DLGAP2: variants seen among roughly 807,000 people sequenced by gnomAD.
DLGAP2 encodes the protein DLG associated protein 2.
A neutral mutation model predicts 100.3 loss-of-function variants in DLGAP2; 26 were observed. The observed-to-expected ratio is 0.26, with a 90% confidence interval of 0.19 to 0.36. The LOEUF is 0.36. DLGAP2 is among the 10% of genes least tolerant of loss of function. DLGAP2 has a pLI of 1.00. For missense variants in DLGAP2, 1,858 were observed against 1,453.2 expected (o/e 1.28, Z -4.53); for synonymous variants, 886 against 630.1 (o/e 1.41, Z -6.08).
At chr8:947,138 T>A (rs1030583406) in intron 2 of DLGAP2, among the ~76,000 whole-genome samples, 1 of 152,182 alleles carries the variant, frequency 6.6e-6, no homozygotes, top group Non-Finnish European at 1.5e-5. Flanking sequence ...GAAGACTGTC[T>A]TTCAATTGAA....
intron 1 of DLGAP2, among the ~76,000 whole-genome samples, chr8:757,796 T>G (rs1198708143): frequency 6.6e-6 from 1 of 152,246 alleles, no homozygotes; most frequent in Non-Finnish European, 1.5e-5. Context: ...TCCCTGGTGC[T>G]CTGCATGAAA....
At chr8:1,455,380 C>T (rs1217775410) in intron 3 of DLGAP2, among the ~76,000 whole-genome samples, 2 of 152,224 alleles carry the variant, frequency 1.3e-5, no homozygotes, top group South Asian at 2.1e-4. Context: ...CCACATGAGT[C>T]CCCCTGCCCC....
intron 3 of DLGAP2, among the ~76,000 whole-genome samples, chr8:1,464,382 C>T (rs1213784256): frequency 6.7e-6 from 1 of 150,138 alleles, no homozygotes; most frequent in Non-Finnish European, 1.5e-5. Context: ...TCCAGGATGG[C>T]ACCCTTCCGG....
chr8:789,760 C>T (rs778185103), intron 1 of DLGAP2, among the ~76,000 whole-genome samples: 4 of 152,200 alleles, frequency 2.6e-5, no homozygotes, highest in African/African-American at 4.8e-5. Flanking sequence ...AACACAGGCC[C>T]TGCTTGGCAA....
chr8:1,659,788 CTT>C (rs1798367914), intron 8 of DLGAP2, among the ~76,000 whole-genome samples: 1 of 152,138 alleles, frequency 6.6e-6, no homozygotes, highest in African/African-American at 2.4e-5. Flanking sequence ...GGTCTTGACT[CTT>C]TATCCAGTTT....
chr8:1,644,919 T>G (rs1798005210), intron 8 of DLGAP2, among the ~76,000 whole-genome samples: 1 of 152,180 alleles, frequency 6.6e-6, no homozygotes, highest in Admixed American at 6.5e-5. Flanking sequence ...TTTGCTCTCT[T>G]AGGGAAAAAA....
chr8:1,309,778 C>T (rs1410616087), intron 3 of DLGAP2, among the ~76,000 whole-genome samples: 3 of 152,132 alleles, frequency 2.0e-5, no homozygotes, highest in Admixed American at 1.3e-4. Flanking sequence ...TCTATGTTAC[C>T]GTGCACTCAA....
chr8:1,552,698 A>G (rs370262868), intron 5 of DLGAP2, among the ~76,000 whole-genome samples: 11 of 152,356 alleles, frequency 7.2e-5, no homozygotes, highest in Middle Eastern at 3.4e-3. Flanking sequence ...AAAGAATAAG[A>G]AGAGAGAAAT....
intron 3 of DLGAP2, among the ~76,000 whole-genome samples, chr8:1,433,515 T>C (rs1797519477): frequency 1.3e-5 from 2 of 152,212 alleles, no homozygotes; most frequent in Admixed American, 1.3e-4. Context: ...GATGGTGCTG[T>C]CTGGTGAGCC....
intron 1 of DLGAP2, among the ~76,000 whole-genome samples, chr8:894,877 GTGAC>G: frequency 6.8e-6 from 1 of 146,396 alleles, no homozygotes; most frequent in Non-Finnish European, 1.5e-5. Flanking sequence ...GAGCGGAGTG[GTGAC>G]TGGCAGGGGT....
Position 1,341,451 on chromosome 8 carries a change from C to T in DLGAP2, c.106+82568C>T, listed in dbSNP as rs865995154. 2.6e-5 allele frequency among the ~76,000 whole-genome samples: 4 copies of T among 152,190 alleles called. 1 individual carries two copies. Among genetic ancestry groups the T allele is most frequent in the South Asian group, 4.1e-4 (2 of 4,832 alleles). ...AACGTTAGCTTCATAAATCACTCCT[C>T]TCTGAAACACATATAGGCGTATTTA... On this transcript the variant is annotated intron_variant, in intron 3 of 14. Coordinates refer to ENST00000637795, the MANE Select transcript of DLGAP2 (RefSeq NM_001346810.2).
At chr8:876,589 T>C (rs1452482273) in intron 1 of DLGAP2, among the ~76,000 whole-genome samples, 1 of 152,250 alleles carries the variant, frequency 6.6e-6, no homozygotes. Context: ...CTTTCAGTAT[T>C]TGTACTGTGA....
At chr8:1,100,952 C>G (rs1244755069) in intron 2 of DLGAP2, among the ~76,000 whole-genome samples, 1 of 152,178 alleles carries the variant, frequency 6.6e-6, no homozygotes, top group African/African-American at 2.4e-5. Flanking sequence ...ATAAGCAATA[C>G]CAGTTACATT....
intron 1 of DLGAP2, among the ~76,000 whole-genome samples, chr8:760,293 T>C (rs1016435761): frequency 1.3e-5 from 2 of 152,244 alleles, no homozygotes; most frequent in Non-Finnish European, 2.9e-5. Context: ...AAGTCTTCAC[T>C]GTGACCTTCA....
At chr8:1,078,227 C>A (rs2123054) in intron 2 of DLGAP2, among the ~76,000 whole-genome samples, 101 of 152,114 alleles carry the variant, frequency 6.6e-4, no homozygotes, top group Non-Finnish European at 1.2e-3. Context: ...AGAACAGTGG[C>A]TTGCACTGTT....
At chr8:1,045,185 G>A (rs1802482340) in intron 2 of DLGAP2, among the ~76,000 whole-genome samples, 1 of 152,128 alleles carries the variant, frequency 6.6e-6, no homozygotes, top group Admixed American at 6.5e-5. Flanking sequence ...GGGCTGTTTG[G>A]CTTTTGGCAA....
At chr8:1,663,748 A>T (rs914749078) in intron 8 of DLGAP2, among the ~76,000 whole-genome samples, 1 of 152,200 alleles carries the variant, frequency 6.6e-6, no homozygotes, top group African/African-American at 2.4e-5. Flanking sequence ...GGTAAAAATC[A>T]TCTCAAGATA....
At chr8:740,379 T>C (rs1820452623) in intron 1 of DLGAP2, 1 of 152,364 alleles carries the variant, frequency 6.6e-6, no homozygotes, top group African/African-American at 2.4e-5. Flanking sequence ...TACCAACTTT[T>C]TGTATGCCTT....
intron 4 of DLGAP2, among the ~76,000 whole-genome samples, chr8:1,535,862 G>A (rs996983828): frequency 7.2e-5 from 11 of 152,196 alleles, no homozygotes; most frequent in African/African-American, 2.7e-4. Flanking sequence ...TCCCAAGCCT[G>A]GATGACTAGG....
Sources: allele counts gnomAD v4.1 joint callset (sites outside exome capture counted in the v4.1 genomes callset), GRCh38; gene constraint gnomAD v4.1.1; transcripts MANE v1.5; gene names NCBI Gene and HGNC (gene_info 2026-07-23, HGNC 2026-07-21).